HTR1D: variants seen among roughly 807,000 people sequenced by gnomAD.
HTR1D encodes 5-HT-1D.
HTR1D carries 18 observed loss-of-function variants against 21.1 expected under a neutral mutation model. The ratio of observed to expected loss-of-function variants is 0.85; its 90% CI spans 0.59 to 1.27. HTR1D has a LOEUF of 1.27. HTR1D is among the 50% of genes most tolerant of loss of function. HTR1D has a pLI of 0.00. For synonymous variants in HTR1D, 196 were observed against 204.4 expected (o/e 0.96, Z 0.35); for missense variants, 456 against 481.4 (o/e 0.95, Z 0.49).
intron 1 of HTR1D, among the ~76,000 whole-genome samples, chr1:23,216,175 G>A (rs1270716762): frequency 6.6e-6 from 1 of 152,220 alleles, no homozygotes; most frequent in Admixed American, 6.5e-5. Flanking sequence ...GTGATCCAGA[G>A]GACAGCGCAG....
chr1:23,193,970 C>A lies in HTR1D; in HGVS notation c.250G>T (p.Asp84Tyr). ...NYLIGSLATT[D>Y]LLVSILVMPI... The stretch of plus-strand genomic sequence containing the variant: ...ATTACCAAGATGGAAACCAAGAGGT[C>A]GGTGGTGGCCAGGGAGCCAATCAGG... Residue 84 changes from aspartate to tyrosine, a missense_variant, in exon 2 of 2, where the codon GAC becomes TAC. Transcript: ENST00000374619. 6.2e-7 allele frequency: 1 copy of A among 1,614,046 alleles called. No homozygotes were observed.
intron 1 of HTR1D, among the ~76,000 whole-genome samples, chr1:23,208,997 CTTTTT>C (rs202088436): frequency 7.5e-6 from 1 of 133,750 alleles, no homozygotes; most frequent in Admixed American, 7.6e-5. Context: ...AAAATTTTCA[CTTTTT>C]TTTTTTTTTT....
chr1:23,208,777 T>C (rs1388059549), intron 1 of HTR1D, among the ~76,000 whole-genome samples: 1 of 152,086 alleles, frequency 6.6e-6, no homozygotes, highest in East Asian at 1.9e-4. Flanking sequence ...AGGTAATATA[T>C]GGCACAGCTG....
chr1:23,211,302 C>T (rs1644752546), intron 1 of HTR1D, among the ~76,000 whole-genome samples: 2 of 152,080 alleles, frequency 1.3e-5, no homozygotes, highest in African/African-American at 4.8e-5. Context: ...TACAATGGCC[C>T]TGGGGAAATG....
chr1:23,217,432 C>T lies in HTR1D; in HGVS notation c.-924G>A, dbSNP rs1435078852. 6.6e-6 allele frequency among the ~76,000 whole-genome samples: 1 copy of T among 151,932 alleles called. No individual in the cohort carries two copies. The highest frequency in any genetic ancestry group is 1.5e-5 in the Non-Finnish European group (1 of 67,930). On this transcript the variant is annotated 5_prime_UTR_variant, in exon 1 of 2. Transcript: ENST00000374619. The surrounding 1 kb of genome is among the most constrained non-coding windows in gnomAD (Gnocchi z 4.6). Reference sequence around the variant, plus strand: ...GCCGCCCGCCCCGCCGCCCCGGGGCCCTTTCCGGCTCGCGCCCTCGCGATC... The same window carrying T: ...GCCGCCCGCCCCGCCGCCCCGGGGCTCTTTCCGGCTCGCGCCCTCGCGATC...
chr1:23,207,759 C>CTTTTTT (rs532795222), intron 1 of HTR1D, among the ~76,000 whole-genome samples: 1 of 124,892 alleles, frequency 8.0e-6, no homozygotes, highest in African/African-American at 3.1e-5. Context: ...GCAAGAGCCT[C>CTTTTTT]TTTTTTTTTT....
At chr1:23,197,714 T>C (rs1390377282) in intron 1 of HTR1D, among the ~76,000 whole-genome samples, 1 of 138,952 alleles carries the variant, frequency 7.2e-6, no homozygotes, top group Admixed American at 7.5e-5. Context: ...AGAGCAAGAC[T>C]CTACCTAAAA....
chr1:23,205,954 G>A (rs1644728649), intron 1 of HTR1D, among the ~76,000 whole-genome samples: 1 of 152,064 alleles, frequency 6.6e-6, no homozygotes, highest in Non-Finnish European at 1.5e-5. Context: ...TCAGGAGAGT[G>A]AAACCATCCT....
intron 1 of HTR1D, among the ~76,000 whole-genome samples, chr1:23,195,541 C>G (rs983375452): frequency 6.6e-6 from 1 of 152,026 alleles, no homozygotes; most frequent in Non-Finnish European, 1.5e-5. Flanking sequence ...TGGGTTCAAG[C>G]GATTGTCCTG....
At position 23,194,008 on chromosome 1, in the gene HTR1D, G is replaced by C. The variant is rs1450827604; in HGVS notation, c.212C>G (p.Thr71Ser). Residue 71 changes from threonine to serine, a missense_variant, in exon 2 of 2, where the codon ACC becomes AGC. Thr to Ser is a moderately conservative substitution (Grantham distance 58). Coordinates refer to ENST00000374619, the MANE Select transcript of HTR1D (RefSeq NM_000864.5). ...TTILLTRKLHTPANYLIGSLA... is the reference protein window; with the variant it reads ...TTILLTRKLHSPANYLIGSLA... ...GGAGCCAATCAGGTAGTTGGCAGGG[G>C]TGTGGAGCTTCCTGGTGAGTAAGAT... 2.5e-6 allele frequency: 4 copies of C among 1,614,172 alleles called. No individual in the cohort carries two copies. In the Admixed American group the frequency reaches 6.7e-5, roughly 27 times the overall value.
rs376550007 is a variant in HTR1D at position 23,197,930 on chromosome 1, G to C, written c.-782-2929C>G. On this transcript the variant is annotated intron_variant, in intron 1 of 1. Coordinates refer to ENST00000374619, the MANE Select transcript of HTR1D (RefSeq NM_000864.5). ...GACAAGAAGATACCATTTTCACCTA[G>C]TAGAAAAGTACAACATTTTAAATCT... Among the ~76,000 whole-genome samples, 14 of 151,988 alleles carry C rather than the reference G, an allele frequency of 9.2e-5. No homozygotes were observed. The East Asian group carries it at 2.3e-3, about 25-fold the overall frequency.
At chr1:23,195,249 A>G (rs1376151748) in intron 1 of HTR1D, among the ~76,000 whole-genome samples, 3 of 152,218 alleles carry the variant, frequency 2.0e-5, no homozygotes, top group Non-Finnish European at 4.4e-5. Flanking sequence ...TCAGCTCTGT[A>G]AGTTGTGAAT....
At chr1:23,202,808 C>A (rs1355277645) in intron 1 of HTR1D, among the ~76,000 whole-genome samples, 1 of 152,280 alleles carries the variant, frequency 6.6e-6, no homozygotes. Flanking sequence ...CATGGGACCT[C>A]CTACAGCCTC....
intron 1 of HTR1D, among the ~76,000 whole-genome samples, chr1:23,208,310 G>A (rs974168653): frequency 2.0e-5 from 3 of 152,068 alleles, no homozygotes; most frequent in Admixed American, 1.3e-4. Flanking sequence ...GATGGCTCAC[G>A]CCTGTAATCC....
chr1:23,203,671 A>G (rs949534215), intron 1 of HTR1D, among the ~76,000 whole-genome samples: 1 of 152,132 alleles, frequency 6.6e-6, no homozygotes, highest in Non-Finnish European at 1.5e-5. Context: ...CAAACAAACA[A>G]AAACCTCTGT....
intron 1 of HTR1D, among the ~76,000 whole-genome samples, chr1:23,205,421 A>C (rs1644725986): frequency 6.6e-6 from 1 of 152,218 alleles, no homozygotes; most frequent in South Asian, 2.1e-4. Context: ...GTTCAGATTA[A>C]ATCAGCCAAC....
intron 1 of HTR1D, among the ~76,000 whole-genome samples, chr1:23,204,311 G>C (rs1355865638): frequency 6.6e-6 from 1 of 152,144 alleles, no homozygotes; most frequent in African/African-American, 2.4e-5. Flanking sequence ...TTTTTTAGTA[G>C]AGACGGGGTT....
chr1:23,216,603 A>G (rs1644774271), intron 1 of HTR1D, among the ~76,000 whole-genome samples: 1 of 152,238 alleles, frequency 6.6e-6, no homozygotes, highest in African/African-American at 2.4e-5. Context: ...TTTGTAATAA[A>G]GCAGATTTCT....
At chr1:23,206,724 G>A (rs184438088) in intron 1 of HTR1D, among the ~76,000 whole-genome samples, 9 of 152,136 alleles carry the variant, frequency 5.9e-5, no homozygotes, top group Admixed American at 2.6e-4. Context: ...CCCCAAGCCC[G>A]GCTTGGCTCA....
Sources: gnomAD v4.1 joint callset for allele counts (sites outside exome capture counted in the v4.1 genomes callset) on GRCh38, gnomAD v4.1.1 for gene constraint, Gnocchi (gnomAD v3.1) non-coding constraint, MANE v1.5 for transcripts, NCBI Gene and HGNC (gene_info 2026-07-23, HGNC 2026-07-21) for gene names.